TBC1D5: variants seen among roughly 807,000 people sequenced by gnomAD.
TBC1D5 encodes the protein TBC1 domain family, member 5.
Under a neutral mutation model 100.3 loss-of-function variants are expected in TBC1D5, and 75 were observed. The ratio of observed to expected loss-of-function variants is 0.75; its 90% confidence interval spans 0.62 to 0.91. TBC1D5 has a LOEUF of 0.91. Among genes scored for constraint, TBC1D5 ranks in the 40% least tolerant of loss-of-function variants. The probability of loss-of-function intolerance (pLI) is 0.00; values close to 1 mark genes in which losing one functional copy is unlikely to be tolerated. For missense variants in TBC1D5, 910 were observed against 942.4 expected, an observed-to-expected ratio of 0.97 and a Z score of 0.45; for synonymous variants, 323 against 325.6, an observed-to-expected ratio of 0.99 and a Z score of 0.09.
intron 3 of TBC1D5, among the ~76,000 whole-genome samples, chr3:17,475,018 C>T (rs916142866): frequency 1.3e-5 from 2 of 152,082 alleles, no homozygotes; most frequent in African/African-American, 4.8e-5. Context: ...AATTATTAAG[C>T]ATCCAAAATA....
intron 2 of TBC1D5, among the ~76,000 whole-genome samples, chr3:17,589,830 A>G (rs76089785): frequency 0.035 from 5,303 of 152,278 alleles, 123 homozygotes; most frequent in Non-Finnish European, 0.05. Flanking sequence ...CATAGAACTT[A>G]TATTTTACTT....
At chr3:17,304,758 T>C (rs2083226875) in intron 14 of TBC1D5, among the ~76,000 whole-genome samples, 1 of 152,164 alleles carries the variant, frequency 6.6e-6, no homozygotes, top group South Asian at 2.1e-4. Flanking sequence ...TGCTGATTCT[T>C]GAAGTAGGAA....
At chr3:17,268,586 T>C (rs1406802192) in intron 15 of TBC1D5, among the ~76,000 whole-genome samples, 1 of 152,126 alleles carries the variant, frequency 6.6e-6, no homozygotes, top group African/African-American at 2.4e-5. Context: ...GTAATGAATG[T>C]AAATAGTATT....
At chr3:17,476,458 T>C (rs1423508329) in intron 3 of TBC1D5, among the ~76,000 whole-genome samples, 1 of 152,036 alleles carries the variant, frequency 6.6e-6, no homozygotes, top group East Asian at 1.9e-4. Context: ...TCATGTAAGT[T>C]TGAGTCTATC....
intron 3 of TBC1D5, among the ~76,000 whole-genome samples, chr3:17,494,959 G>T (rs900685398): frequency 6.6e-6 from 1 of 152,180 alleles, no homozygotes; most frequent in Non-Finnish European, 1.5e-5. Flanking sequence ...AAAAATACAC[G>T]ATTTCCCAGG....
chr3:17,680,438 G>C (rs2069294135), intron 1 of TBC1D5, among the ~76,000 whole-genome samples: 1 of 150,732 alleles, frequency 6.6e-6, no homozygotes, highest in Admixed American at 6.6e-5. Flanking sequence ...TGTTCCTCAG[G>C]TTGATCTCAA....
At chr3:17,581,167 G>A (rs996620722) in intron 2 of TBC1D5, among the ~76,000 whole-genome samples, 1 of 152,132 alleles carries the variant, frequency 6.6e-6, no homozygotes, top group African/African-American at 2.4e-5. Flanking sequence ...TCTTGCCTGT[G>A]CCATGTAACA....
intron 3 of TBC1D5, among the ~76,000 whole-genome samples, chr3:17,461,638 G>T (rs367758880): frequency 7.9e-5 from 12 of 151,268 alleles, no homozygotes; most frequent in African/African-American, 2.7e-4. Context: ...TTTTCTGTGT[G>T]TGTATGTGTG....
chr3:17,346,379 G>T (rs577774709), intron 13 of TBC1D5, among the ~76,000 whole-genome samples: 1 of 151,754 alleles, frequency 6.6e-6, no homozygotes. Context: ...AATGCTTATG[G>T]GCATATACAT....
At chr3:17,444,110 T>G (rs2094726794) in intron 3 of TBC1D5, among the ~76,000 whole-genome samples, 1 of 152,094 alleles carries the variant, frequency 6.6e-6, no homozygotes, top group Non-Finnish European at 1.5e-5. Context: ...ATGTAAAAAC[T>G]AATTTAACCC....
At position 17,483,278 on chromosome 3, in the gene TBC1D5, C is replaced by A. The variant is rs1054184857; in HGVS notation, c.97+25196G>T. 2.0e-5 allele frequency among the ~76,000 whole-genome samples: 3 copies of A among 152,088 alleles called. No individual in the cohort carries two copies. The East Asian group carries it at 5.8e-4, about 29-fold the overall frequency. On this transcript the variant is annotated intron_variant, in intron 3 of 21. Coordinates refer to ENST00000253692, the Ensembl canonical transcript of TBC1D5. ...AATTCTATGGAATGCCATTAAAAACCATTCTTAAACCACCCCCCACCCCAC... is the reference window on the plus strand; with the variant it reads ...AATTCTATGGAATGCCATTAAAAACAATTCTTAAACCACCCCCCACCCCAC...
At chr3:17,638,661 T>C (rs1218720745) in intron 1 of TBC1D5, among the ~76,000 whole-genome samples, 2 of 152,170 alleles carry the variant, frequency 1.3e-5, no homozygotes, top group Non-Finnish European at 2.9e-5. Context: ...CACACAATAA[T>C]GCAACTCTAC....
chr3:17,374,784 G>GA, intron 10 of TBC1D5, 105 bp from the exon 11 acceptor site: 1 of 1,097,490 alleles, frequency 9.1e-7, no homozygotes, highest in Non-Finnish European at 1.3e-6. Context: ...ATATGCAAAC[G>GA]AAAAAAATTA....
intron 13 of TBC1D5, among the ~76,000 whole-genome samples, chr3:17,312,534 T>C (rs1475667374): frequency 6.6e-6 from 1 of 152,166 alleles, no homozygotes; most frequent in Non-Finnish European, 1.5e-5. Flanking sequence ...AATCCATGGA[T>C]TGAACCCAGC....
intron 13 of TBC1D5, among the ~76,000 whole-genome samples, chr3:17,341,025 TCTA>T (rs2088815267): frequency 6.6e-6 from 1 of 152,172 alleles, no homozygotes; most frequent in Non-Finnish European, 1.5e-5. Flanking sequence ...GCATAATGAC[TCTA>T]CTGTGATAAT....
At chr3:17,205,420 G>C (rs915784735) in intron 18 of TBC1D5, among the ~76,000 whole-genome samples, 1 of 152,168 alleles carries the variant, frequency 6.6e-6, no homozygotes, top group African/African-American at 2.4e-5. Flanking sequence ...TGGGAAGGCT[G>C]CTCTGCTCAA....
intron 3 of TBC1D5, among the ~76,000 whole-genome samples, chr3:17,429,801 CT>C (rs2094414755): frequency 6.6e-6 from 1 of 151,756 alleles, no homozygotes; most frequent in Non-Finnish European, 1.5e-5. Flanking sequence ...AACACTGGTT[CT>C]TTTTTGAGAA....
chr3:17,709,144 A>G (rs775411432), intron 1 of TBC1D5, among the ~76,000 whole-genome samples: 31 of 152,134 alleles, frequency 2.0e-4, no homozygotes, highest in Non-Finnish European at 3.4e-4. Flanking sequence ...CTTGGTCCAC[A>G]TTTCTTAATA....
At chr3:17,671,641 C>T (rs2067955506) in intron 1 of TBC1D5, among the ~76,000 whole-genome samples, 1 of 152,152 alleles carries the variant, frequency 6.6e-6, no homozygotes, top group Admixed American at 6.5e-5. Context: ...TTACAAACTC[C>T]TGTGAATTCA....
Sources: allele counts gnomAD v4.1 joint callset (sites outside exome capture counted in the v4.1 genomes callset), GRCh38; gene constraint gnomAD v4.1.1; transcripts MANE v1.5; gene names NCBI Gene and HGNC (gene_info 2026-07-23, HGNC 2026-07-21).